Variants in CEP152 observed in about 807,000 individuals in gnomAD.
CEP152 encodes the protein centrosomal protein of 152 kDa.
Under a neutral mutation model 188.9 loss-of-function variants are expected in CEP152, and 132 were observed. The ratio of observed to expected loss-of-function variants is 0.70; its 90% confidence interval spans 0.61 to 0.81. CEP152 has a LOEUF of 0.81. Ranked by LOEUF, CEP152 falls within the 30% of genes least tolerant of loss-of-function variation. The pLI is 0.00. For missense variants in CEP152, 1,914 were observed against 1,969.8 expected (o/e 0.97, Z 0.54); for synonymous variants, 649 against 666.6 (o/e 0.97, Z 0.41).
At chr15:48,754,782 C>T (rs1411279277) in intron 20 of CEP152, among the ~76,000 whole-genome samples, 3 of 152,060 alleles carry the variant, frequency 2.0e-5, no homozygotes, top group Admixed American at 6.6e-5. Context: ...GGAATTAGGC[C>T]GGGGATTTGT....
intron 2 of CEP152, among the ~76,000 whole-genome samples, chr15:48,798,723 C>T (rs1897486780): frequency 6.6e-6 from 1 of 152,160 alleles, no homozygotes; most frequent in African/African-American, 2.4e-5. Flanking sequence ...TGTTTGATTT[C>T]TCTCTCCTAT....
At chr15:48,761,758 G>C (rs1463071405) in intron 18 of CEP152, among the ~76,000 whole-genome samples, 1 of 152,158 alleles carries the variant, frequency 6.6e-6, no homozygotes. Context: ...GAGAATCACT[G>C]TAATAGGTAA....
Position 48,797,510 on chromosome 15 carries a change from T to C in CEP152, c.331A>G (p.Lys111Glu), listed in dbSNP as rs756407978. ...TACACAGGATGTCGGTCTTCAGTTT[T>C]ACTTCTATTTTCTTCCCAGACATTA... ...CGNVWEENRS[K>E]TEDRHPVYHP... is the part of the protein sequence containing the mutation. The change falls in exon 5 of 27, where the codon AAA becomes GAA. Residue 111 changes from lysine (K) to glutamate (E), a missense_variant. Transcript: ENST00000380950. The C allele has an allele frequency of 4.3e-5, 69 of 1,614,042 alleles. No homozygotes were observed. In the Admixed American group the frequency reaches 1.2e-3, roughly 27 times the overall value.
At chr15:48,745,480 C>T (rs1260300029) in intron 22 of CEP152, among the ~76,000 whole-genome samples, 1 of 151,566 alleles carries the variant, frequency 6.6e-6, no homozygotes, top group Non-Finnish European at 1.5e-5. Flanking sequence ...GTGTGAGCAA[C>T]AAGGCTGTTT....
At chr15:48,771,876 T>G (rs1351734943) in intron 13 of CEP152, among the ~76,000 whole-genome samples, 1 of 152,202 alleles carries the variant, frequency 6.6e-6, no homozygotes, top group Non-Finnish European at 1.5e-5. Context: ...GTTGAATATC[T>G]CATGAAATTT....
At position 48,744,297 on chromosome 15, in the gene CEP152, C is replaced by G. The variant is rs375620898; in HGVS notation, c.3778G>C (p.Gly1260Arg). The change falls in exon 24 of 27, where the codon GGG (glycine) becomes CGG (arginine). Residue 1260 changes from glycine to arginine, a missense_variant. By Grantham distance (125) the Gly-to-Arg change is moderately radical. Coordinates refer to ENST00000380950, the MANE Select transcript of CEP152 (RefSeq NM_001194998.2). ...CCACGAAGTTCTTCCAAGGCTCCCC[C>G]ACTGCATGGCAGGCAAGCATTTTCA... is the stretch of plus-strand genomic sequence containing the variant. ...AIENACLPCS[G>R]GALEELRGQY... The G allele has an allele frequency of 4.3e-6, 7 of 1,613,876 alleles. No individual in the cohort carries two copies. In the African/African-American group the frequency reaches 6.7e-5, roughly 15 times the overall value.
chr15:48,740,872 G>C (rs1009385394), intron 26 of CEP152: 1 of 216,674 alleles, frequency 4.6e-6, no homozygotes, highest in African/African-American at 2.4e-5. Flanking sequence ...GAAAGGAGGG[G>C]AGAAGAAGAA....
In CEP152 at chr15:48,788,815, C is replaced by T. The variant is rs763467300; in HGVS notation, c.1159G>A (p.Ala387Thr). The stretch of plus-strand genomic sequence containing the variant: ...ATCATCCCAACCTGTTCTTTAAGTG[C>T]GGTGACTGTGGCATCCAAATTCTTT... Reference protein sequence around the residue: ...LQKNLDATVTALKEQEDICSR... With the variant: ...LQKNLDATVTTLKEQEDICSR... Residue 387 changes from alanine to threonine, a missense_variant, in exon 9 of 27, where the codon GCA becomes ACA. By Grantham distance (58) the Ala-to-Thr change is moderately conservative. Transcript: ENST00000380950. 9.3e-6 allele frequency: 15 copies of T among 1,614,082 alleles called. No individual in the cohort carries two copies. The highest frequency in any genetic ancestry group is 5.5e-5 in the South Asian group (5 of 91,080).
chr15:48,758,093 A>T (rs1894407251), intron 19 of CEP152, among the ~76,000 whole-genome samples: 1 of 152,208 alleles, frequency 6.6e-6, no homozygotes, highest in South Asian at 2.1e-4. Context: ...CCCATACAAA[A>T]CAAAGTTTAA....
chr15:48,755,953 G>C lies in CEP152; in HGVS notation c.3295C>G (p.Gln1099Glu), dbSNP rs751283579. ...KLKGCIQKAF[Q>E]DTLPLLVENA... The stretch of plus-strand genomic sequence containing the variant: ...TCTACAAGCAGAGGAAGTGTATCTT[G>C]AAATGCTTTCTGTATGCAGCCCTTT... The change falls in exon 20 of 27, where the codon CAA (glutamine) becomes GAA (glutamate). Residue 1099 changes from glutamine (Q) to glutamate (E), a missense_variant. By Grantham distance (29) the Gln-to-Glu change is conservative (BLOSUM62 2). Coordinates refer to ENST00000380950, the MANE Select transcript of CEP152 (RefSeq NM_001194998.2). 1.2e-6 allele frequency: 2 copies of C among 1,613,994 alleles called. No homozygotes were observed. The highest frequency in any genetic ancestry group is 1.7e-6 in the Non-Finnish European group (2 of 1,179,950).
At chr15:48,741,784 T>A in intron 25 of CEP152, 80 bp from the exon 26 acceptor site, 1 of 1,610,680 alleles carries the variant, frequency 6.2e-7, no homozygotes, top group Non-Finnish European at 8.5e-7. Flanking sequence ...TCTGTTTTCC[T>A]ATTGGCTCTG....
downstream of CEP152, among the ~76,000 whole-genome samples, chr15:48,733,713 C>A (rs969447287): frequency 1.3e-5 from 2 of 152,122 alleles, no homozygotes; most frequent in African/African-American, 4.8e-5. Context: ...GACCTAGACA[C>A]ACCATGCTCA....
chr15:48,730,947 CG>C (rs1386086486), intron 2 of CEP152, among the ~76,000 whole-genome samples: 2 of 152,024 alleles, frequency 1.3e-5, no homozygotes, highest in African/African-American at 2.4e-5. Context: ...AAATTTATAG[CG>C]TATGTAAAGA....
chr15:48,741,832 A>AC, intron 25 of CEP152, 115 bp downstream of exon 25: 1 of 1,609,310 alleles, frequency 6.2e-7, no homozygotes, highest in Non-Finnish European at 8.5e-7. Context: ...ACCTCTCTTA[A>AC]CCCCCTATGG....
chr15:48,755,098 T>C (rs1243538850), intron 20 of CEP152, among the ~76,000 whole-genome samples: 1 of 152,122 alleles, frequency 6.6e-6, no homozygotes, highest in East Asian at 1.9e-4. Context: ...GGATCTTTCA[T>C]GCATACCTAA....
intron 26 of CEP152, 77 bp downstream of exon 26, chr15:48,741,524 C>A (rs1459667502): frequency 6.2e-7 from 1 of 1,610,840 alleles, no homozygotes; most frequent in African/African-American, 1.3e-5. Flanking sequence ...ACCTTCCCTG[C>A]CTTCTTCATA....
intron 2 of CEP152, among the ~76,000 whole-genome samples, chr15:48,730,338 C>T (rs1892380092): frequency 6.6e-6 from 1 of 152,184 alleles, no homozygotes; most frequent in Non-Finnish European, 1.5e-5. Context: ...AGATGCATAG[C>T]TCCGCTAGTC....
chr15:48,752,443 A>T lies in CEP152; in HGVS notation c.3372T>A (p.Asp1124Glu), dbSNP rs756801566. The T allele has an allele frequency of 6.2e-7, 1 of 1,613,856 alleles. No individual in the cohort carries two copies. Among genetic ancestry groups the T allele is most frequent in the Non-Finnish European group, 8.5e-7 (1 of 1,180,012 alleles). The change falls in exon 21 of 27, where the codon GAT (aspartate) becomes GAA (glutamate). Residue 1124 changes from aspartate to glutamate, a missense_variant. Asp to Glu is a conservative substitution (Grantham distance 45). Transcript: ENST00000380950. The stretch of plus-strand genomic sequence containing the variant: ...CTTGGCCAGTGCCCTGGCTGGCAGA[A>T]TCCTTAGAGAGCTCGGCCATATTTC... ...KKRNMAELSK[D>E]SASQGTGQGD...
chr15:48,741,837 C>T (rs930655510), intron 25 of CEP152, 110 bp downstream of exon 25: 6 of 1,610,054 alleles, frequency 3.7e-6, no homozygotes, highest in East Asian at 4.5e-5. Context: ...TCTTAACCCC[C>T]TATGGCTGAT....
Sources: gnomAD v4.1 joint callset for allele counts (sites outside exome capture counted in the v4.1 genomes callset) on GRCh38, gnomAD v4.1.1 for gene constraint, MANE v1.5 for transcripts, NCBI Gene and HGNC (gene_info 2026-07-23, HGNC 2026-07-21) for gene names.